SLIT3: variants seen among roughly 807,000 people sequenced by gnomAD.
SLIT3 encodes slit guidance ligand 3, also known as slit homolog 3 protein.
A neutral mutation model predicts 184.0 loss-of-function variants in SLIT3; 68 were observed. The observed-to-expected ratio is 0.37, with a 90% CI of 0.30 to 0.45. The LOEUF (loss-of-function observed/expected upper bound fraction) is 0.45, where lower values mean the gene tolerates loss of function less well. Among genes scored for constraint, SLIT3 ranks in the 20% least tolerant of loss-of-function variants. SLIT3 has a pLI of 1.00. For synonymous variants in SLIT3, 831 were observed against 828.6 expected (o/e 1.00, Z -0.05); for missense variants, 1,707 against 2,026.0 (o/e 0.84, Z 3.02).
At position 168,882,778 on chromosome 5, in the gene SLIT3, G is replaced by A. The variant is rs114681816; in HGVS notation, c.485+487C>T. Among the ~76,000 whole-genome samples, 495 of 152,280 alleles carry A rather than the reference G, an allele frequency of 3.3e-3. 3 individuals are homozygous for A. Among genetic ancestry groups the A allele is most frequent in the African/African-American group, 0.011 (460 of 41,548 alleles). On this transcript the variant is annotated intron_variant, in intron 5 of 35. Transcript: ENST00000519560. ...GTCTCTCCAACTTCCTGGGATGTAA[G>A]TCCCCATGCTCTCTCAGGAGCCGAT...
chr5:169,248,488 C>T (rs1309815840), intron 2 of SLIT3, among the ~76,000 whole-genome samples: 3 of 152,174 alleles, frequency 2.0e-5, no homozygotes, highest in Non-Finnish European at 4.4e-5. Flanking sequence ...GGAGCATGCA[C>T]TAAAAGCCAC....
intron 3 of SLIT3, among the ~76,000 whole-genome samples, chr5:169,216,863 T>C (rs928079656): frequency 2.6e-5 from 4 of 152,222 alleles, no homozygotes; most frequent in Non-Finnish European, 1.5e-5. Context: ...AACCGACTTA[T>C]GAGCCGATAG....
At chr5:168,995,471 C>A (rs1755478274) in intron 4 of SLIT3, 1 of 152,190 alleles carries the variant, frequency 6.6e-6, no homozygotes, top group African/African-American at 2.4e-5. Flanking sequence ...AATTCTAAAT[C>A]TAGTTTGTCT....
At chr5:169,192,439 G>GTGTGTGTA (rs1763587243) in intron 4 of SLIT3, among the ~76,000 whole-genome samples, 1 of 151,330 alleles carries the variant, frequency 6.6e-6, no homozygotes, top group Non-Finnish European at 1.5e-5. Context: ...GTGTGTGTGT[G>GTGTGTGTA]TGTGTGTGTG....
intron 23 of SLIT3, among the ~76,000 whole-genome samples, chr5:168,713,708 C>T (rs966773067): frequency 2.0e-5 from 3 of 152,222 alleles, no homozygotes; most frequent in African/African-American, 7.2e-5. Context: ...CTTCAGCTGA[C>T]AGAGACATGA....
intron 5 of SLIT3, among the ~76,000 whole-genome samples, chr5:168,867,088 C>T (rs1581160359): frequency 1.3e-5 from 2 of 152,276 alleles, no homozygotes; most frequent in East Asian, 3.9e-4. Context: ...GGGCCTTGAC[C>T]AGAAATCAGG....
intron 4 of SLIT3, among the ~76,000 whole-genome samples, chr5:168,991,887 G>A (rs905632082): frequency 1.3e-5 from 2 of 152,236 alleles, no homozygotes; most frequent in Admixed American, 1.3e-4. Context: ...CAGGAGCCTG[G>A]GGTGGGGAGC....
At position 169,070,829 on chromosome 5, in the gene SLIT3, A is replaced by G. The variant is rs374545716; in HGVS notation, c.413+122650T>C. ...AAAAAAAAAAAAGAAACAAAAAACA[A>G]AAACAAAAAACAAAAGCCTGAAGCC... On this transcript the variant is annotated intron_variant, in intron 4 of 35. Transcript: ENST00000519560. Among the ~76,000 whole-genome samples the G allele has an allele frequency of 3.5e-4, 53 of 152,176 alleles. 1 individual carries two copies. In the East Asian group the frequency reaches 0.01, roughly 29 times the overall value.
intron 5 of SLIT3, among the ~76,000 whole-genome samples, chr5:168,871,398 G>A (rs556119355): frequency 6.8e-4 from 104 of 152,166 alleles, no homozygotes; most frequent in African/African-American, 2.2e-3. Context: ...GGCAGGCAGC[G>A]GTTAATAGCG....
intron 4 of SLIT3, among the ~76,000 whole-genome samples, chr5:169,186,408 C>T (rs1763337799): frequency 6.6e-6 from 1 of 152,174 alleles, no homozygotes; most frequent in Non-Finnish European, 1.5e-5. Flanking sequence ...CTTCTATCCT[C>T]CAGAACTGTG....
chr5:168,767,376 A>C (rs1755383695), intron 14 of SLIT3, among the ~76,000 whole-genome samples: 1 of 152,228 alleles, frequency 6.6e-6, no homozygotes, highest in Non-Finnish European at 1.5e-5. Context: ...CACTGGGTCT[A>C]GGATTTATCA....
intron 3 of SLIT3, among the ~76,000 whole-genome samples, chr5:169,238,952 G>A (rs1190588584): frequency 1.3e-5 from 2 of 152,132 alleles, no homozygotes; most frequent in Non-Finnish European, 2.9e-5. Context: ...TTTAAGGGAT[G>A]CCCTCTTCTC....
chr5:169,295,825 C>T (rs1211839781), intron 1 of SLIT3, among the ~76,000 whole-genome samples: 1 of 152,186 alleles, frequency 6.6e-6, no homozygotes, highest in African/African-American at 2.4e-5. Flanking sequence ...AGATGATCAA[C>T]AAAAGCAGAA....
At chr5:169,280,790 C>A (rs906713280) in intron 1 of SLIT3, among the ~76,000 whole-genome samples, 1 of 152,164 alleles carries the variant, frequency 6.6e-6, no homozygotes, top group Non-Finnish European at 1.5e-5. Flanking sequence ...CCCAGCTTTG[C>A]TGATGACTTG....
At chr5:168,837,116 C>T (rs536943814) in intron 6 of SLIT3, among the ~76,000 whole-genome samples, 9 of 152,166 alleles carry the variant, frequency 5.9e-5, no homozygotes, top group Non-Finnish European at 1.3e-4. Context: ...ATAGAAAACC[C>T]AGTTTCTTTC....
intron 3 of SLIT3, among the ~76,000 whole-genome samples, chr5:169,203,255 T>C (rs1763959494): frequency 6.6e-6 from 1 of 151,792 alleles, no homozygotes; most frequent in Non-Finnish European, 1.5e-5. Flanking sequence ...CCCCAGAAGA[T>C]TGTACAAGGG....
chr5:168,866,575 T>C (rs115302432), intron 5 of SLIT3, among the ~76,000 whole-genome samples: 5,566 of 152,314 alleles, frequency 0.037, 138 homozygotes, highest in Non-Finnish European at 0.054. Context: ...CTTACATGTG[T>C]GGAAGTTCCC....
chr5:169,159,730 T>C (rs1053382065), intron 4 of SLIT3, among the ~76,000 whole-genome samples: 15 of 151,966 alleles, frequency 9.9e-5, no homozygotes, highest in Non-Finnish European at 2.2e-4. Context: ...GAGCCCAGAT[T>C]GCACCACTGC....
intron 4 of SLIT3, among the ~76,000 whole-genome samples, chr5:169,050,473 T>C (rs756847601): frequency 1.3e-5 from 2 of 152,212 alleles, no homozygotes; most frequent in Non-Finnish European, 2.9e-5. Context: ...TTTGCCACGA[T>C]TGGGTCTGTG....
Sources: allele counts gnomAD v4.1 joint callset (sites outside exome capture counted in the v4.1 genomes callset), GRCh38; gene constraint gnomAD v4.1.1; transcripts MANE v1.5; gene names NCBI Gene and HGNC (gene_info 2026-07-23, HGNC 2026-07-21).